The following KIAA1549L variants were observed in gnomAD, a reference collection of about 807,000 sequenced individuals.
The protein encoded by KIAA1549L is UPF0606 protein KIAA1549L.
A neutral mutation model predicts 160.7 loss-of-function variants in KIAA1549L; 88 were observed. The ratio of observed to expected loss-of-function variants is 0.55; its 90% CI spans 0.46 to 0.65. The LOEUF is 0.65. Ranked by LOEUF, KIAA1549L falls within the 30% of genes least tolerant of loss-of-function variation. KIAA1549L has a pLI of 0.00. For synonymous variants in KIAA1549L, 950 were observed against 976.7 expected, an observed-to-expected ratio of 0.97 and a Z score of 0.51; for missense variants, 2,258 against 2,437.5, an observed-to-expected ratio of 0.93 and a Z score of 1.55.
At chr11:33,604,834 A>G (rs1169368367) in intron 13 of KIAA1549L, among the ~76,000 whole-genome samples, 1 of 152,166 alleles carries the variant, frequency 6.6e-6, no homozygotes, top group East Asian at 1.9e-4. Flanking sequence ...ATAAAAGACT[A>G]CATATTGGGT....
At chr11:33,395,812 C>T (rs538448955) in intron 1 of KIAA1549L, among the ~76,000 whole-genome samples, 2 of 151,880 alleles carry the variant, frequency 1.3e-5, no homozygotes, top group African/African-American at 4.8e-5. Flanking sequence ...CTGCTGTCTT[C>T]TGTTTGGCAA....
chr11:33,495,494 T>C (rs1852796121), intron 1 of KIAA1549L, among the ~76,000 whole-genome samples: 1 of 152,154 alleles, frequency 6.6e-6, no homozygotes, highest in Non-Finnish European at 1.5e-5. Flanking sequence ...CCATGGCGTA[T>C]ATGTGCCACA....
At chr11:33,631,619 T>A (rs916108610) in intron 16 of KIAA1549L, among the ~76,000 whole-genome samples, 2 of 152,206 alleles carry the variant, frequency 1.3e-5, no homozygotes, top group Non-Finnish European at 2.9e-5. Flanking sequence ...AACCTGCTCC[T>A]GGCTGAGAAC....
At chr11:33,662,456 G>A (rs184927514) in intron 20 of KIAA1549L, among the ~76,000 whole-genome samples, 216 of 152,244 alleles carry the variant, frequency 1.4e-3, no homozygotes, top group African/African-American at 4.8e-3. Flanking sequence ...GGGACTTTAC[G>A]GCATCTGTTT....
chr11:33,543,912 T>C lies in KIAA1549L; in HGVS notation c.2349T>C (p.Ile783=). 4 of 1,614,004 alleles carry C rather than the reference T, an allele frequency of 2.5e-6. No homozygotes were observed. Among genetic ancestry groups the C allele is most frequent in the Non-Finnish European group, 3.4e-6 (4 of 1,179,878 alleles). ...SIQDLVLGTS[I]EQPVQQSDMT... is the part of the protein sequence containing the mutation. ...AGGATCTAGTCCTCGGTACAAGCAT[T>C]GAGCAGCCTGTGCAACAGTCAGACA... The change falls in exon 2 of 21, where the codon ATT becomes ATC. Residue 783 remains isoleucine (I), a synonymous_variant. Transcript: ENST00000658780.
At chr11:33,405,612 G>A (rs1324014282) in intron 1 of KIAA1549L, among the ~76,000 whole-genome samples, 1 of 151,108 alleles carries the variant, frequency 6.6e-6, no homozygotes, top group Non-Finnish European at 1.5e-5. Flanking sequence ...GGGAGGCCGA[G>A]GTGGGTGGAT....
In KIAA1549L at chr11:33,609,981, G is replaced by A; in HGVS notation, c.5279+15G>A. The A allele has an allele frequency of 1.2e-6, 2 of 1,604,426 alleles. No homozygotes were observed. The highest frequency in any genetic ancestry group is 2.2e-5 in the South Asian group (2 of 90,616). ...TCTAAAAACAGGTGCAGTCTCTAAG[G>A]GATTCTGTAAAGGGTGCTGTATCAT... On this transcript the variant is annotated intron_variant, in intron 15 of 20. Coordinates refer to ENST00000658780, the MANE Select transcript of KIAA1549L (RefSeq NM_012194.3).
intron 6 of KIAA1549L, among the ~76,000 whole-genome samples, chr11:33,556,291 G>A (rs1434649191): frequency 6.6e-6 from 1 of 152,160 alleles, no homozygotes. Context: ...ATATGGTTCA[G>A]CACTTTCATT....
At chr11:33,400,184 A>T (rs966749631) in intron 1 of KIAA1549L, among the ~76,000 whole-genome samples, 1 of 152,224 alleles carries the variant, frequency 6.6e-6, no homozygotes, top group Non-Finnish European at 1.5e-5. Flanking sequence ...AACCCATCAC[A>T]TATTTACAAA....
chr11:33,591,480 A>G (rs1850052199), intron 12 of KIAA1549L, 59 bp downstream of exon 12: 1 of 1,335,810 alleles, frequency 7.5e-7, no homozygotes, highest in Non-Finnish European at 1.0e-6. Context: ...TGATGATGAG[A>G]AAAGCTGATG....
At chr11:33,647,510 G>T (rs983218457) in intron 17 of KIAA1549L, among the ~76,000 whole-genome samples, 1 of 151,772 alleles carries the variant, frequency 6.6e-6, no homozygotes, top group Admixed American at 6.6e-5. Flanking sequence ...CACAAAAACC[G>T]AGAAGTTATA....
At chr11:33,582,811 T>C (rs1590366566) in intron 10 of KIAA1549L, among the ~76,000 whole-genome samples, 1 of 152,208 alleles carries the variant, frequency 6.6e-6, no homozygotes, top group Admixed American at 6.5e-5. Context: ...ACCGAGGCAT[T>C]TCCAAGCTCC....
intron 1 of KIAA1549L, among the ~76,000 whole-genome samples, chr11:33,484,724 T>C (rs1852485009): frequency 6.6e-6 from 1 of 152,248 alleles, no homozygotes; most frequent in African/African-American, 2.4e-5. Context: ...TTTTCCATGG[T>C]TGTGTATGTT....
At chr11:33,473,282 G>C (rs955017443) in intron 1 of KIAA1549L, among the ~76,000 whole-genome samples, 14 of 152,174 alleles carry the variant, frequency 9.2e-5, no homozygotes, top group Admixed American at 9.2e-4. Flanking sequence ...AAAGGAGGAG[G>C]CAAGTGGAAA....
chr11:33,630,804 C>T (rs530887397), intron 16 of KIAA1549L, among the ~76,000 whole-genome samples: 1 of 152,310 alleles, frequency 6.6e-6, no homozygotes, highest in Admixed American at 6.5e-5. Context: ...TTGGCTCCTC[C>T]CGATTTAAGA....
intron 1 of KIAA1549L, among the ~76,000 whole-genome samples, chr11:33,458,531 G>A (rs1851876072): frequency 6.6e-6 from 1 of 152,218 alleles, no homozygotes; most frequent in Non-Finnish European, 1.5e-5. Flanking sequence ...GCTCAGCTTG[G>A]TGAGGGAGAA....
chr11:33,565,138 G>A (rs1855005921), intron 8 of KIAA1549L, among the ~76,000 whole-genome samples: 1 of 152,136 alleles, frequency 6.6e-6, no homozygotes, highest in Admixed American at 6.6e-5. Context: ...CTATGGTTCT[G>A]TGATTTCTGT....
rs1384769467 is a variant in KIAA1549L, at chr11:33,447,727, C to T, written c.238+70838C>T. ...ATTATGTTGTATTTTATGTTAATTG[C>T]CTGTGTCTTTCTCTAGATATAAACT... On this transcript the variant is annotated intron_variant, in intron 1 of 20. Coordinates refer to ENST00000658780, the MANE Select transcript of KIAA1549L (RefSeq NM_012194.3). Among the ~76,000 whole-genome samples, 3 of 151,828 alleles carry T rather than the reference C, an allele frequency of 2.0e-5. No homozygotes were observed. In the East Asian group the frequency reaches 5.8e-4, roughly 29 times the overall value.
At chr11:33,614,381 C>G in intron 15 of KIAA1549L, among the ~76,000 whole-genome samples, 1 of 150,490 alleles carries the variant, frequency 6.6e-6, no homozygotes, top group Non-Finnish European at 1.5e-5. Context: ...GAGTCACTGT[C>G]TGTCTGCCCT....
Sources: gnomAD v4.1 joint callset for allele counts (sites outside exome capture counted in the v4.1 genomes callset) on GRCh38, gnomAD v4.1.1 for gene constraint, MANE v1.5 for transcripts, NCBI Gene and HGNC (gene_info 2026-07-23, HGNC 2026-07-21) for gene names.